MAP3K9: variants seen among roughly 807,000 people sequenced by gnomAD.
The protein encoded by MAP3K9 is mixed lineage kinase 1 (tyr and ser/thr specificity).
MAP3K9 carries 46 observed loss-of-function variants against 95.8 expected under a neutral mutation model. That is an observed-to-expected ratio of 0.48 (90% confidence interval 0.38 to 0.61). The LOEUF (loss-of-function observed/expected upper bound fraction) is 0.61. Ranked by LOEUF, MAP3K9 falls within the 20% of genes least tolerant of loss-of-function variation. MAP3K9 has a pLI of 0.00. For missense variants in MAP3K9, 1,296 were observed against 1,474.3 expected (o/e 0.88, Z 1.98); for synonymous variants, 533 against 593.8 (o/e 0.90, Z 1.49).
At chr14:70,760,948 G>A in intron 3 of MAP3K9, 54 bp downstream of exon 3, 1 of 1,576,166 alleles carries the variant, frequency 6.3e-7, no homozygotes, top group Non-Finnish European at 8.6e-7. Context: ...CTTGAAATGT[G>A]TGTGCCACCA....
chr14:70,799,590 T>C (rs1458848211), intron 2 of MAP3K9, among the ~76,000 whole-genome samples: 2 of 151,414 alleles, frequency 1.3e-5, no homozygotes, highest in East Asian at 2.0e-4. Flanking sequence ...CTGCCCGCCT[T>C]GGCCTCCCAA....
chr14:70,767,834 C>T (rs375316269), intron 2 of MAP3K9, among the ~76,000 whole-genome samples: 8 of 152,180 alleles, frequency 5.3e-5, no homozygotes, highest in African/African-American at 1.9e-4. Flanking sequence ...ACTACAGGTG[C>T]GCACCACCAA....
At chr14:70,769,188 A>G (rs902984957) in intron 2 of MAP3K9, among the ~76,000 whole-genome samples, 1 of 152,114 alleles carries the variant, frequency 6.6e-6, no homozygotes, top group African/African-American at 2.4e-5. Context: ...CAGCCACTGC[A>G]CTCCAATCTG....
intron 9 of MAP3K9, among the ~76,000 whole-genome samples, chr14:70,735,566 C>G (rs1483482577): frequency 6.6e-6 from 1 of 152,108 alleles, no homozygotes; most frequent in African/African-American, 2.4e-5. Context: ...CAGAGATAAG[C>G]CTGCTGCCAA....
intron 2 of MAP3K9, among the ~76,000 whole-genome samples, chr14:70,770,547 C>T (rs942923703): frequency 6.6e-6 from 1 of 152,092 alleles, no homozygotes; most frequent in Non-Finnish European, 1.5e-5. Context: ...GCAAAGAAAA[C>T]ACTTCTGTTA....
chr14:70,800,225 C>T (rs8022621), intron 2 of MAP3K9, among the ~76,000 whole-genome samples: 37,125 of 152,116 alleles, frequency 0.24, 4,879 homozygotes, highest in South Asian at 0.38. Flanking sequence ...TCTCTTCTTA[C>T]AGTCCCTTCT....
At chr14:70,806,402 T>C (rs2054990731) in intron 1 of MAP3K9, among the ~76,000 whole-genome samples, 1 of 152,236 alleles carries the variant, frequency 6.6e-6, no homozygotes, top group Admixed American at 6.5e-5. Flanking sequence ...AGTTTTTGAC[T>C]GAAACTAAAT....
chr14:70,804,677 G>T (rs968284352), intron 1 of MAP3K9, among the ~76,000 whole-genome samples: 4 of 144,492 alleles, frequency 2.8e-5, no homozygotes, highest in Non-Finnish European at 4.6e-5. Context: ...TTAAATGCAG[G>T]AGGGATTGAA....
At chr14:70,732,210 G>C (rs2053914417) in intron 11 of MAP3K9, among the ~76,000 whole-genome samples, 1 of 152,190 alleles carries the variant, frequency 6.6e-6, no homozygotes, top group South Asian at 2.1e-4. Flanking sequence ...CTAGAAGCTA[G>C]ACTCCTGCCC....
chr14:70,751,403 A>T (rs969359154), intron 3 of MAP3K9, among the ~76,000 whole-genome samples: 1 of 152,184 alleles, frequency 6.6e-6, no homozygotes, highest in Non-Finnish European at 1.5e-5. Context: ...CAAAGGTCAT[A>T]TTAATTTAAA....
chr14:70,738,966 G>A (rs991350217), intron 7 of MAP3K9, among the ~76,000 whole-genome samples: 25 of 152,188 alleles, frequency 1.6e-4, no homozygotes, highest in Non-Finnish European at 1.6e-4. Flanking sequence ...CAGGGACTGT[G>A]CTTATATCAT....
intron 6 of MAP3K9, among the ~76,000 whole-genome samples, chr14:70,741,499 G>T (rs1398979717): frequency 6.6e-6 from 1 of 152,084 alleles, no homozygotes; most frequent in African/African-American, 2.4e-5. Context: ...TCCCTCCATG[G>T]ATATATTACA....
At chr14:70,750,660 T>C (rs1296807927) in intron 3 of MAP3K9, among the ~76,000 whole-genome samples, 5 of 152,102 alleles carry the variant, frequency 3.3e-5, no homozygotes, top group African/African-American at 1.2e-4. Context: ...AATTTTTGTA[T>C]TTTTAGTAGA....
At chr14:70,798,778 C>G (rs2054895994) in intron 2 of MAP3K9, among the ~76,000 whole-genome samples, 1 of 151,892 alleles carries the variant, frequency 6.6e-6, no homozygotes, top group African/African-American at 2.4e-5. Context: ...GCGCCCGGCC[C>G]AAAAGTTTTA....
At chr14:70,791,683 C>A (rs533669130) in intron 2 of MAP3K9, among the ~76,000 whole-genome samples, 1 of 152,208 alleles carries the variant, frequency 6.6e-6, no homozygotes, top group East Asian at 1.9e-4. Context: ...CAGATCACGT[C>A]GGAAACAAAA....
intron 7 of MAP3K9, 180 bp downstream of exon 7, chr14:70,739,862 G>A: frequency 6.5e-7 from 1 of 1,540,180 alleles, no homozygotes; most frequent in East Asian, 2.4e-5. Flanking sequence ...AAAGTTAATG[G>A]AGAGAGACAA....
chr14:70,784,667 C>T (rs1362010509), intron 2 of MAP3K9, among the ~76,000 whole-genome samples: 1 of 151,998 alleles, frequency 6.6e-6, no homozygotes, highest in African/African-American at 2.4e-5. Flanking sequence ...TGCTCGAACC[C>T]GGGAAGTGGA....
chr14:70,797,789 A>C (rs2054881267), intron 2 of MAP3K9, among the ~76,000 whole-genome samples: 1 of 152,194 alleles, frequency 6.6e-6, no homozygotes, highest in Admixed American at 6.5e-5. Flanking sequence ...ATTGCAATGG[A>C]GTAAGAATGG....
chr14:70,777,078 A>G (rs2054609442), intron 2 of MAP3K9, among the ~76,000 whole-genome samples: 2 of 151,112 alleles, frequency 1.3e-5, no homozygotes, highest in African/African-American at 4.9e-5. Flanking sequence ...TGATCTGCCT[A>G]CCTCGGCCTC....
Sources: gnomAD v4.1 joint callset for allele counts (sites outside exome capture counted in the v4.1 genomes callset) on GRCh38, gnomAD v4.1.1 for gene constraint, MANE v1.5 for transcripts, NCBI Gene and HGNC (gene_info 2026-07-23, HGNC 2026-07-21) for gene names.